The following MED21 variants were observed in gnomAD, a reference collection of about 807,000 sequenced individuals.
MED21 encodes mediator complex subunit 21.
Under a neutral mutation model 18.2 loss-of-function variants are expected in MED21, and 9 were observed. The ratio of observed to expected loss-of-function variants is 0.49; its 90% confidence interval spans 0.30 to 0.86. The LOEUF (loss-of-function observed/expected upper bound fraction) is 0.86, where lower values mean the gene tolerates loss of function less well. Ranked by LOEUF, MED21 falls within the 40% of genes least tolerant of loss-of-function variation. The pLI is 0.07. For synonymous variants in MED21, 73 were observed against 60.5 expected, an observed-to-expected ratio of 1.21 and a Z score of -0.96; for missense variants, 150 against 170.9, an observed-to-expected ratio of 0.88 and a Z score of 0.68.
intron 1 of MED21, chr12:27,022,899 G>A: frequency 7.3e-7 from 1 of 1,373,302 alleles, no homozygotes; most frequent in Non-Finnish European, 9.5e-7. Context: ...TGTGGGCTGC[G>A]CGGTCCTGTC....
At chr12:27,023,796 G>A (rs1357974849) in intron 1 of MED21, among the ~76,000 whole-genome samples, 3 of 150,576 alleles carry the variant, frequency 2.0e-5, no homozygotes, top group Non-Finnish European at 4.5e-5. Flanking sequence ...TGGTTTTGGC[G>A]ATAACTTTTT....
chr12:27,022,895 C>G (rs758821586), intron 1 of MED21: 351 of 1,373,666 alleles, frequency 2.6e-4, no homozygotes, highest in Non-Finnish European at 3.2e-4. Context: ...GACTTGTGGG[C>G]TGCGCGGTCC....
Position 27,028,638 on chromosome 12 carries a change from C to G in MED21, c.*177C>G. 4.7e-6 allele frequency: 6 copies of G among 1,278,006 alleles called. No individual in the cohort carries two copies. The highest frequency in any genetic ancestry group is 5.0e-6 in the Non-Finnish European group (5 of 1,009,202). The allele number at this position is 1,278,006 out of a possible 1,614,324, so 79.2% of individuals were successfully genotyped here. ...TTCACTCTTGATAAGCTTATAAAAT[C>G]ATGATTGAATCAGCTTTAAAGCATC... On this transcript the variant is annotated 3_prime_UTR_variant, in exon 4 of 4. Coordinates refer to ENST00000282892, the MANE Select transcript of MED21 (RefSeq NM_004264.5).
At chr12:27,038,077 C>G (rs1941660786) in intron 2 of MED21, 1 of 152,120 alleles carries the variant, frequency 6.6e-6, no homozygotes, top group Non-Finnish European at 1.5e-5. Flanking sequence ...ACCACATCTA[C>G]TCATCTTTAA....
At position 27,029,895 on chromosome 12, in the gene MED21, A is replaced by G. The variant is rs1941595804; in HGVS notation, c.*1434A>G. On this transcript the variant is annotated 3_prime_UTR_variant, in exon 4 of 4. Coordinates refer to ENST00000282892, the MANE Select transcript of MED21 (RefSeq NM_004264.5). ...TCAAGACATTTTTCAAATGAGGGAA[A>G]ACTAACAGGATTTATCACTAGTAAA... The G allele has an allele frequency of 6.9e-6, 6 of 869,282 alleles. No homozygotes were observed. Among genetic ancestry groups the G allele is most frequent in the Non-Finnish European group, 8.6e-6 (6 of 694,658 alleles). 53.8% of individuals were successfully genotyped at this position (869,282 alleles called of 1,614,324 possible). A position where few individuals can be genotyped will look rare whatever the true frequency, so the allele number is the denominator to read the frequency against.
intron 1 of MED21, among the ~76,000 whole-genome samples, chr12:27,025,423 A>G (rs1941530810): frequency 2.6e-5 from 4 of 152,246 alleles, no homozygotes; most frequent in Admixed American, 2.6e-4. Flanking sequence ...TCTTGAAGAC[A>G]GTGGTGGAGT....
At position 27,027,440 on chromosome 12, in the gene MED21, C is replaced by T. The variant is rs1320311124; in HGVS notation, c.251C>T (p.Ala84Val). 16 of 1,610,166 alleles carry T rather than the reference C, an allele frequency of 9.9e-6. No homozygotes were observed. Among genetic ancestry groups the T allele is most frequent in the Non-Finnish European group, 1.2e-5 (14 of 1,177,234 alleles). Reference sequence around the variant, plus strand: ...TTACCCAGTGAAGAATCTACAGCTGCTTTACAGGTAAGCCTCTATTCCTTT... The same window carrying T: ...TTACCCAGTGAAGAATCTACAGCTGTTTTACAGGTAAGCCTCTATTCCTTT... ...DSLPSEESTA[A>V]LQAASLYKLE... Residue 84 changes from alanine (A) to valine (V), a missense_variant, in exon 3 of 4, where the codon GCT becomes GTT. Coordinates refer to ENST00000282892, the MANE Select transcript of MED21 (RefSeq NM_004264.5).
At chr12:27,036,376 C>T (rs1941650006) in intron 2 of MED21, among the ~76,000 whole-genome samples, 1 of 152,146 alleles carries the variant, frequency 6.6e-6, no homozygotes, top group African/African-American at 2.4e-5. Context: ...AATTTTCTCC[C>T]ATTCTGTAGG....
In MED21 at chr12:27,030,446, A is replaced by G. The variant is rs1941605916; in HGVS notation, c.*1985A>G. 1 of 372,226 alleles carries G rather than the reference A, an allele frequency of 2.7e-6. No homozygotes were observed. The allele number at this position is 372,226 out of a possible 1,614,324, so 23.1% of individuals were successfully genotyped here. On this transcript the variant is annotated 3_prime_UTR_variant, in exon 4 of 4. Transcript: ENST00000282892. ...CCTAGAGCGACACAGATTTTTCCCT[A>G]AAAAACTACAGATTATTTTCAAAAG...
At chr12:27,026,561 A>T (rs1169739944) in intron 2 of MED21, 27 bp downstream of exon 2, 2 of 1,404,536 alleles carry the variant, frequency 1.4e-6, no homozygotes, top group African/African-American at 1.4e-5. Flanking sequence ...AGCTTCTCTT[A>T]GTTTGACTCT....
At chr12:27,034,379 G>A (rs560959471), downstream of MED21, among the ~76,000 whole-genome samples, 17 of 152,200 alleles carry the variant, frequency 1.1e-4, 1 homozygote, top group South Asian at 1.5e-3. Flanking sequence ...CCGAGATCAC[G>A]CCATTGCACT....
downstream of MED21, among the ~76,000 whole-genome samples, chr12:27,034,047 T>C (rs1660705951): frequency 6.6e-6 from 1 of 152,232 alleles, no homozygotes; most frequent in Non-Finnish European, 1.5e-5. Context: ...AAAAGAGTTT[T>C]GACTATTGAT....
At chr12:27,026,872 T>C (rs1941551511) in intron 2 of MED21, among the ~76,000 whole-genome samples, 1 of 152,238 alleles carries the variant, frequency 6.6e-6, no homozygotes, top group Non-Finnish European at 1.5e-5. Flanking sequence ...TACATTATGC[T>C]TAATTCCCAA....
At chr12:27,034,018 C>T (rs901921513), downstream of MED21, among the ~76,000 whole-genome samples, 2 of 152,004 alleles carry the variant, frequency 1.3e-5, no homozygotes, top group African/African-American at 4.8e-5. Context: ...AGTTGAGATT[C>T]AAAAAGAGTA....
intron 2 of MED21, chr12:27,038,885 CACTGAAT>C (rs939633492): frequency 3.9e-5 from 6 of 152,200 alleles, no homozygotes; most frequent in African/African-American, 1.2e-4. Context: ...TACTAAGAAC[CACTGAAT>C]TGTATATTTT....
chr12:27,030,215 T>C lies in MED21; in HGVS notation c.*1754T>C. 1 of 643,020 alleles carries C rather than the reference T, an allele frequency of 1.6e-6. No individual in the cohort carries two copies. Among genetic ancestry groups the C allele is most frequent in the South Asian group, 1.7e-5 (1 of 58,948 alleles). 39.8% of individuals were successfully genotyped at this position (643,020 alleles called of 1,614,324 possible). A position where few individuals can be genotyped will look rare whatever the true frequency, so the allele number is the denominator to read the frequency against. On this transcript the variant is annotated 3_prime_UTR_variant, in exon 4 of 4. Transcript: ENST00000282892. The stretch of plus-strand genomic sequence containing the variant: ...TTCTGTGATCATGGCTCACTGCAGC[T>C]TCACCCTGGGTTCAGGTGATCCTCC...
chr12:27,022,868 C>A, intron 1 of MED21: 1 of 1,418,072 alleles, frequency 7.1e-7, no homozygotes, highest in Non-Finnish European at 9.3e-7. Context: ...TCGTTCTTGT[C>A]CGGGTGAGGC....
Position 27,028,312 on chromosome 12 carries a change from G to C in MED21, c.286G>C (p.Glu96Gln). ...QAASLYKLEE[E>Q]NHEAATCLED... ...TGCTAGCTTGTATAAGCTAGAAGAA[G>C]AAAACCATGAAGCTGCTACATGTCT... is the stretch of plus-strand genomic sequence containing the variant. Residue 96 changes from glutamate (E) to glutamine (Q), a missense_variant, in exon 4 of 4, where the codon GAA (glutamate) becomes CAA (glutamine). Glu to Gln is a conservative substitution (Grantham distance 29). Coordinates refer to ENST00000282892, the MANE Select transcript of MED21 (RefSeq NM_004264.5). The C allele has an allele frequency of 1.2e-6, 2 of 1,613,980 alleles. No homozygotes were observed. Among genetic ancestry groups the C allele is most frequent in the Non-Finnish European group, 1.7e-6 (2 of 1,179,884 alleles).
In MED21 at chr12:27,028,407, G is replaced by A; in HGVS notation, c.381G>A (p.Gln127=). 7 of 1,614,122 alleles carry A rather than the reference G, an allele frequency of 4.3e-6. No homozygotes were observed. The highest frequency in any genetic ancestry group is 5.9e-6 in the Non-Finnish European group (7 of 1,179,988). The part of the protein sequence containing the change: ...KIQSALADIA[Q]SQLKTRSGTH... ...AAAGCGCACTTGCTGATATTGCACA[G>A]TCACAGCTGAAGACAAGAAGTGGTA... Residue 127 remains glutamine (Q), a synonymous_variant, in exon 4 of 4, where the codon CAG becomes CAA. Coordinates refer to ENST00000282892, the MANE Select transcript of MED21 (RefSeq NM_004264.5).
Sources: gnomAD v4.1 joint callset for allele counts (sites outside exome capture counted in the v4.1 genomes callset) on GRCh38, gnomAD v4.1.1 for gene constraint, MANE v1.5 for transcripts, NCBI Gene and HGNC (gene_info 2026-07-23, HGNC 2026-07-21) for gene names.